The following AFAP1 variants were observed in gnomAD, a reference collection of about 807,000 sequenced individuals.
The protein encoded by AFAP1 is actin filament-associated protein 1.
AFAP1 carries 75 observed loss-of-function variants against 93.9 expected under a neutral mutation model. That is an observed-to-expected ratio of 0.80 (90% CI 0.66 to 0.97). The LOEUF is 0.97. Among genes scored for constraint, AFAP1 ranks in the 50% least tolerant of loss-of-function variants. AFAP1 has a pLI of 0.00. For missense variants in AFAP1, 1,201 were observed against 1,050.8 expected (o/e 1.14, Z -1.98); for synonymous variants, 517 against 430.7 (o/e 1.20, Z -2.48).
intron 12 of AFAP1, among the ~76,000 whole-genome samples, chr4:7,783,234 G>A (rs1402512062): frequency 6.6e-6 from 1 of 152,134 alleles, no homozygotes; most frequent in Admixed American, 6.5e-5. Context: ...CCGCCTCCCA[G>A]GCTCAAGCAA....
chr4:7,821,096 C>T lies in AFAP1; in HGVS notation c.727-1925G>A, dbSNP rs1405305055. Among the ~76,000 whole-genome samples the T allele has an allele frequency of 3.3e-5, 5 of 152,138 alleles. No individual in the cohort carries two copies. The South Asian group carries it at 6.2e-4, about 19-fold the overall frequency. ...TCGCACCACTGCACTCCAGCCTGGG[C>T]GACAAGAGTGAAACTCCATCTCCAA... On this transcript the variant is annotated intron_variant, in intron 6 of 17. Transcript: ENST00000420658.
At chr4:7,799,747 G>A (rs1308519637) in intron 10 of AFAP1, among the ~76,000 whole-genome samples, 1 of 152,298 alleles carries the variant, frequency 6.6e-6, no homozygotes, top group East Asian at 1.9e-4. Flanking sequence ...AACATCAACA[G>A]AATGTTTTCT....
At chr4:7,893,505 T>C (rs999356591) in intron 1 of AFAP1, among the ~76,000 whole-genome samples, 3 of 132,226 alleles carry the variant, frequency 2.3e-5, no homozygotes, top group South Asian at 2.4e-4. Flanking sequence ...GGCGTGAACC[T>C]GGGAGGCGGA....
chr4:7,867,077 GGAGGGGAGGA>G lies in AFAP1; in HGVS notation c.225+1535_225+1544del, dbSNP rs1339839421. 7.2e-3 allele frequency among the ~76,000 whole-genome samples: 798 copies of G among 110,312 alleles called. 9 individuals carry two copies. Among genetic ancestry groups the G allele is most frequent in the African/African-American group, 0.026 (735 of 28,632 alleles). The allele number at this position is 110,312 out of a possible 152,430, so 72.4% of individuals were successfully genotyped here. On this transcript the variant is annotated intron_variant, in intron 3 of 17. Coordinates refer to ENST00000420658, the MANE Select transcript of AFAP1 (RefSeq NM_001134647.2). ...ATGAAAGAGGGGAGGGGAGGAGAAG[GGAGGGGAGGA>G]GAGGGGAGGAGAGGGGAGTAGAGGG...
chr4:7,860,135 C>T (rs920780951), intron 3 of AFAP1, among the ~76,000 whole-genome samples: 2 of 151,022 alleles, frequency 1.3e-5, no homozygotes, highest in African/African-American at 2.5e-5. Context: ...GAGTGAGATG[C>T]TATCTCAAAT....
intron 1 of AFAP1, among the ~76,000 whole-genome samples, chr4:7,915,205 C>A (rs551286151): frequency 6.6e-6 from 1 of 150,936 alleles, no homozygotes; most frequent in African/African-American, 2.5e-5. Flanking sequence ...TTACATTCCC[C>A]CCTACGGTGC....
chr4:7,766,382 G>A (rs1299336882), intron 17 of AFAP1, among the ~76,000 whole-genome samples: 1 of 152,182 alleles, frequency 6.6e-6, no homozygotes, highest in African/African-American at 2.4e-5. Context: ...TTTTCAGAGA[G>A]GGAGGACCCC....
chr4:7,887,352 G>C (rs919790445), intron 1 of AFAP1, among the ~76,000 whole-genome samples: 5 of 152,216 alleles, frequency 3.3e-5, no homozygotes, highest in Non-Finnish European at 7.3e-5. Flanking sequence ...GTGATCCCAA[G>C]TTAGAGACAA....
chr4:7,811,739 C>G (rs1038063969), intron 8 of AFAP1, among the ~76,000 whole-genome samples: 4 of 152,166 alleles, frequency 2.6e-5, no homozygotes, highest in African/African-American at 9.6e-5. Context: ...CGCTAGACAC[C>G]AACCCTGGCG....
At chr4:7,773,633 C>G (rs1483588736) in intron 15 of AFAP1, 1 of 152,692 alleles carries the variant, frequency 6.5e-6, no homozygotes, top group African/African-American at 2.4e-5. Context: ...GCACTCCTGG[C>G]CCTCCTGCAT....
intron 12 of AFAP1, among the ~76,000 whole-genome samples, chr4:7,782,822 T>C (rs1257316750): frequency 1.3e-5 from 2 of 152,240 alleles, no homozygotes; most frequent in Admixed American, 1.3e-4. Context: ...CGCAATCACT[T>C]CAATGTGTCT....
At chr4:7,927,259 A>G (rs1720816023) in intron 1 of AFAP1, among the ~76,000 whole-genome samples, 1 of 152,172 alleles carries the variant, frequency 6.6e-6, no homozygotes, top group Non-Finnish European at 1.5e-5. Flanking sequence ...AGGCAGCCCT[A>G]AGGTTTGGGT....
chr4:7,846,476 T>A (rs1414814175), intron 4 of AFAP1, among the ~76,000 whole-genome samples: 1 of 152,164 alleles, frequency 6.6e-6, no homozygotes, highest in African/African-American at 2.4e-5. Flanking sequence ...ATGGACATCA[T>A]CCTAGCTTTA....
chr4:7,886,421 A>T (rs2149202008), intron 1 of AFAP1, among the ~76,000 whole-genome samples: 1 of 152,322 alleles, frequency 6.6e-6, no homozygotes, highest in Non-Finnish European at 1.5e-5. Flanking sequence ...TGCAGTTTCA[A>T]CTCTGAAAGT....
At chr4:7,938,708 C>T (rs1028390323) in intron 1 of AFAP1, among the ~76,000 whole-genome samples, 2 of 152,100 alleles carry the variant, frequency 1.3e-5, no homozygotes, top group African/African-American at 4.8e-5. Context: ...GCGCTGAGAG[C>T]TACAAAGTTC....
At chr4:7,898,251 AC>A (rs1285915168) in intron 1 of AFAP1, among the ~76,000 whole-genome samples, 20 of 152,148 alleles carry the variant, frequency 1.3e-4, no homozygotes, top group Non-Finnish European at 2.8e-4. Context: ...TAATAAAAAT[AC>A]AAAAAATTAG....
chr4:7,927,897 G>C (rs936845032), intron 1 of AFAP1, among the ~76,000 whole-genome samples: 2 of 152,032 alleles, frequency 1.3e-5, no homozygotes, highest in African/African-American at 4.8e-5. Flanking sequence ...TGTAATTTTG[G>C]CTCAAAAATC....
At chr4:7,866,205 G>GT (rs144122836) in intron 3 of AFAP1, among the ~76,000 whole-genome samples, 203 of 149,916 alleles carry the variant, frequency 1.4e-3, no homozygotes, top group African/African-American at 3.9e-3. Flanking sequence ...CAGGTTTTTT[G>GT]TTTTTTTTTG....
rs140322169 is a variant in AFAP1, at chr4:7,821,295, G to A, written c.727-2124C>T. Among the ~76,000 whole-genome samples the A allele has an allele frequency of 6.7e-4, 102 of 152,308 alleles. 2 individuals are homozygous for A. The East Asian group carries it at 0.019, about 29-fold the overall frequency. Reference sequence around the variant, plus strand: ...TCCGCTATGGAAGAAGTCTAAGCCAGCATGTGGCACGTGTACATTCAAACC... The same window carrying A: ...TCCGCTATGGAAGAAGTCTAAGCCAACATGTGGCACGTGTACATTCAAACC... On this transcript the variant is annotated intron_variant, in intron 6 of 17. Transcript: ENST00000420658.
Sources: allele counts gnomAD v4.1 joint callset (sites outside exome capture counted in the v4.1 genomes callset), GRCh38; gene constraint gnomAD v4.1.1; transcripts MANE v1.5; gene names NCBI Gene and HGNC (gene_info 2026-07-23, HGNC 2026-07-21).